The following GALNT17 variants were observed in gnomAD, a reference collection of about 807,000 sequenced individuals.
The protein encoded by GALNT17 is polypeptide N-acetylgalactosaminyltransferase 17.
A neutral mutation model predicts 63.7 loss-of-function variants in GALNT17; 29 were observed. The observed-to-expected ratio is 0.46, with a 90% confidence interval of 0.34 to 0.62. The LOEUF (loss-of-function observed/expected upper bound fraction) is 0.62, where lower values mean the gene tolerates loss of function less well. GALNT17 is among the 20% of genes least tolerant of loss of function. GALNT17 has a pLI of 0.01. For synonymous variants in GALNT17, 305 were observed against 318.3 expected, an observed-to-expected ratio of 0.96 and a Z score of 0.45; for missense variants, 603 against 799.6, an observed-to-expected ratio of 0.75 and a Z score of 2.97.
intron 6 of GALNT17, among the ~76,000 whole-genome samples, chr7:71,602,951 CA>C (rs1789987201): frequency 6.6e-6 from 1 of 152,132 alleles, no homozygotes; most frequent in Non-Finnish European, 1.5e-5. Flanking sequence ...ATGCTAAGTG[CA>C]TACACTGGAT....
chr7:71,612,458 ATTAG>A (rs1790139690), intron 6 of GALNT17, among the ~76,000 whole-genome samples: 1 of 152,242 alleles, frequency 6.6e-6, no homozygotes. Flanking sequence ...TTGGGTCGAA[ATTAG>A]TTAAAGGAAT....
chr7:71,709,308 T>C (rs545680510), intron 9 of GALNT17, among the ~76,000 whole-genome samples: 111 of 152,318 alleles, frequency 7.3e-4, no homozygotes, highest in African/African-American at 2.6e-3. Flanking sequence ...TGTCTGATGA[T>C]TAGTGATGAT....
rs1343277575 is a variant in GALNT17 at position 71,488,169 on chromosome 7, TAA to T, written c.962+67083_962+67084del. ...GGCAACAGAGCAAGACCCTATCTCTTAAAAAAAAAAAAAAAAAAAACAGCCAA... is the reference window on the plus strand; with the variant it reads ...GGCAACAGAGCAAGACCCTATCTCTTAAAAAAAAAAAAAAAAAACAGCCAA... On this transcript the variant is annotated intron_variant, in intron 5 of 10. Transcript: ENST00000333538. Among the ~76,000 whole-genome samples the T allele has an allele frequency of 1.1e-3, 140 of 123,534 alleles. 1 individual carries two copies. Among genetic ancestry groups the T allele is most frequent in the African/African-American group, 2.8e-3 (89 of 31,790 alleles). The allele number at this position is 123,534 out of a possible 152,430, so 81.0% of individuals were successfully genotyped here. A position where few individuals can be genotyped will look rare whatever the true frequency, so the allele number is the denominator to read the frequency against.
intron 1 of GALNT17, among the ~76,000 whole-genome samples, chr7:71,171,829 T>C (rs879542709): frequency 4.7e-4 from 71 of 152,162 alleles, no homozygotes; most frequent in Admixed American, 3.1e-3. Flanking sequence ...TGTAAAGAGA[T>C]GGGCAATATC....
intron 1 of GALNT17, among the ~76,000 whole-genome samples, chr7:71,251,479 A>G (rs1178263986): frequency 6.6e-6 from 1 of 152,084 alleles, no homozygotes; most frequent in Non-Finnish European, 1.5e-5. Flanking sequence ...GCACTATCAT[A>G]ATTCATTGCA....
At chr7:71,580,861 G>A (rs896560610) in intron 6 of GALNT17, among the ~76,000 whole-genome samples, 1 of 152,134 alleles carries the variant, frequency 6.6e-6, no homozygotes, top group African/African-American at 2.4e-5. Flanking sequence ...GCATGTGTGG[G>A]GATTAAGCCA....
At chr7:71,675,818 C>T (rs1291854775) in intron 8 of GALNT17, among the ~76,000 whole-genome samples, 3 of 152,066 alleles carry the variant, frequency 2.0e-5, no homozygotes, top group African/African-American at 7.2e-5. Flanking sequence ...GAAACGCCAT[C>T]TCTGCTAAAA....
intron 1 of GALNT17, among the ~76,000 whole-genome samples, chr7:71,211,256 C>T (rs941503406): frequency 1.3e-5 from 2 of 152,118 alleles, no homozygotes; most frequent in African/African-American, 4.8e-5. Flanking sequence ...CCATGCTGTT[C>T]TCATGATAGT....
At chr7:71,575,850 G>A (rs1789529482) in intron 6 of GALNT17, among the ~76,000 whole-genome samples, 1 of 152,114 alleles carries the variant, frequency 6.6e-6, no homozygotes, top group Non-Finnish European at 1.5e-5. Context: ...TGACTCTAGG[G>A]CTCTTGCCTG....
chr7:71,202,539 C>T (rs1621935), intron 1 of GALNT17, among the ~76,000 whole-genome samples: 7 of 151,882 alleles, frequency 4.6e-5, no homozygotes, highest in Non-Finnish European at 1.0e-4. Context: ...GATTGTATAT[C>T]TTTATTAGGT....
At chr7:71,231,771 GGA>G (rs928986135) in intron 1 of GALNT17, among the ~76,000 whole-genome samples, 39 of 150,048 alleles carry the variant, frequency 2.6e-4, no homozygotes, top group Non-Finnish European at 4.7e-4. Flanking sequence ...AGAGGGAGAG[GGA>G]GAGAGAGAGC....
At chr7:71,629,734 T>C (rs1459707929) in intron 6 of GALNT17, among the ~76,000 whole-genome samples, 1 of 152,202 alleles carries the variant, frequency 6.6e-6, no homozygotes, top group African/African-American at 2.4e-5. Context: ...TCCCCCTGCC[T>C]CAGCTTCCCA....
intron 1 of GALNT17, among the ~76,000 whole-genome samples, chr7:71,286,755 T>G (rs1295502662): frequency 6.6e-6 from 1 of 151,526 alleles, no homozygotes; most frequent in African/African-American, 2.4e-5. Context: ...GTTTTTGTTT[T>G]TTTTTTTCTT....
intron 1 of GALNT17, among the ~76,000 whole-genome samples, chr7:71,276,857 G>A (rs796318036): frequency 3.9e-5 from 6 of 152,214 alleles, no homozygotes; most frequent in African/African-American, 1.4e-4. Context: ...AATTAAGCAG[G>A]CATCGTGGTG....
At chr7:71,199,420 C>G (rs1299698383) in intron 1 of GALNT17, among the ~76,000 whole-genome samples, 1 of 152,146 alleles carries the variant, frequency 6.6e-6, no homozygotes, top group Non-Finnish European at 1.5e-5. Flanking sequence ...TGTCTGTCCA[C>G]TGGCCCACTC....
chr7:71,379,009 GAAA>G (rs1390098981), intron 2 of GALNT17, among the ~76,000 whole-genome samples: 1 of 151,800 alleles, frequency 6.6e-6, no homozygotes, highest in Non-Finnish European at 1.5e-5. Context: ...CTCTAAAAAA[GAAA>G]AAAAGAAGAT....
intron 5 of GALNT17, among the ~76,000 whole-genome samples, chr7:71,435,891 A>G (rs901491133): frequency 1.3e-5 from 2 of 151,900 alleles, no homozygotes; most frequent in East Asian, 3.9e-4. Flanking sequence ...GTGGTGGCGG[A>G]CGCCTGTAGT....
At chr7:71,174,500 A>C (rs1190556795) in intron 1 of GALNT17, among the ~76,000 whole-genome samples, 1 of 152,182 alleles carries the variant, frequency 6.6e-6, no homozygotes, top group Admixed American at 6.5e-5. Context: ...TGTGAGCAAC[A>C]TGGCTGTTTA....
chr7:71,675,400 C>G (rs541036703), intron 8 of GALNT17, among the ~76,000 whole-genome samples: 8 of 152,254 alleles, frequency 5.3e-5, no homozygotes, highest in Admixed American at 3.3e-4. Context: ...AGTTTAAAAG[C>G]CTGGCAGCCT....
Sources: gnomAD v4.1 joint callset for allele counts (sites outside exome capture counted in the v4.1 genomes callset) on GRCh38, gnomAD v4.1.1 for gene constraint, MANE v1.5 for transcripts, NCBI Gene and HGNC (gene_info 2026-07-23, HGNC 2026-07-21) for gene names.